The following LRP1B variants were observed in gnomAD, a reference collection of about 807,000 sequenced individuals.
The protein encoded by LRP1B is low-density lipoprotein receptor-related protein 1B.
A neutral mutation model predicts 556.6 loss-of-function variants in LRP1B; 217 were observed. The observed-to-expected ratio is 0.39, with a 90% CI of 0.35 to 0.44. The LOEUF (loss-of-function observed/expected upper bound fraction) is 0.44. Ranked by LOEUF, LRP1B falls within the 20% of genes least tolerant of loss-of-function variation. The probability of loss-of-function intolerance (pLI) is 1.00; values close to 1 mark genes in which losing one functional copy is unlikely to be tolerated. For synonymous variants in LRP1B, 2,047 were observed against 1,865.8 expected (o/e 1.10, Z -2.50); for missense variants, 5,053 against 5,620.8 (o/e 0.90, Z 3.23).
intron 31 of LRP1B, among the ~76,000 whole-genome samples, chr2:140,830,216 A>G (rs1216137700): frequency 1.3e-5 from 2 of 152,096 alleles, no homozygotes; most frequent in Non-Finnish European, 2.9e-5. Context: ...TACTCAAAGT[A>G]TTTATAAAAC....
intron 6 of LRP1B, among the ~76,000 whole-genome samples, chr2:141,206,096 A>G (rs1448080400): frequency 1.3e-5 from 2 of 151,272 alleles, no homozygotes; most frequent in Non-Finnish European, 2.9e-5. Flanking sequence ...CTATGACATA[A>G]CTGTGAATAA....
chr2:141,520,664 G>A (rs1684494568), intron 2 of LRP1B, among the ~76,000 whole-genome samples: 1 of 151,974 alleles, frequency 6.6e-6, no homozygotes, highest in African/African-American at 2.4e-5. Context: ...ATTCACCTCT[G>A]TTTCATGTTT....
At chr2:141,168,171 A>G (rs973597672) in intron 7 of LRP1B, among the ~76,000 whole-genome samples, 3 of 152,088 alleles carry the variant, frequency 2.0e-5, no homozygotes, top group Admixed American at 1.3e-4. Context: ...GTCAAGTGAT[A>G]TGGCATATTT....
At chr2:141,011,846 T>A (rs1056703935) in intron 14 of LRP1B, among the ~76,000 whole-genome samples, 1 of 152,040 alleles carries the variant, frequency 6.6e-6, no homozygotes, top group Admixed American at 6.6e-5. Flanking sequence ...CTATCAGAGT[T>A]ATGTACTTCA....
intron 2 of LRP1B, among the ~76,000 whole-genome samples, chr2:141,661,915 T>C (rs1690235051): frequency 6.6e-6 from 1 of 152,096 alleles, no homozygotes; most frequent in Admixed American, 6.6e-5. Flanking sequence ...GAAAAAATGT[T>C]AAGGGCAGCC....
intron 1 of LRP1B, among the ~76,000 whole-genome samples, chr2:141,885,514 T>G (rs1166281523): frequency 6.6e-6 from 1 of 152,084 alleles, no homozygotes; most frequent in Non-Finnish European, 1.5e-5. Context: ...AAAAACGCTG[T>G]GGAATGAGCA....
At chr2:141,803,363 A>C (rs1050103761) in intron 2 of LRP1B, among the ~76,000 whole-genome samples, 3 of 151,682 alleles carry the variant, frequency 2.0e-5, no homozygotes, top group Non-Finnish European at 4.4e-5. Flanking sequence ...TCACAATTAC[A>C]CTGATCCCCA....
chr2:140,257,436 G>A (rs1036514706), intron 86 of LRP1B, among the ~76,000 whole-genome samples: 1 of 152,136 alleles, frequency 6.6e-6, no homozygotes, highest in Non-Finnish European at 1.5e-5. Context: ...AAAATAACAT[G>A]ATTACATCAG....
chr2:140,850,136 A>C lies in LRP1B; in HGVS notation c.4905T>G (p.Ile1635Met). ...IKTQTIKRAF[I>M]NGTGLETVIS... Reference sequence around the variant, plus strand: ...TAACAGTTTCTAACCCAGTTCCGTTAATAAAAGCTCGTTTAATGGTTTGTG... The same window carrying C: ...TAACAGTTTCTAACCCAGTTCCGTTCATAAAAGCTCGTTTAATGGTTTGTG... The change falls in exon 29 of 91, where the codon ATT (isoleucine) becomes ATG (methionine). Residue 1635 changes from isoleucine (I) to methionine (M), a missense_variant. By Grantham distance (10) the Ile-to-Met change is conservative. Around this residue, in one of 5 missense-constraint regions of LRP1B, gnomAD observed 3,619 missense variants for 3,931.9 expected, o/e 0.92. Transcript: ENST00000389484. 6.2e-7 allele frequency: 1 copy of C among 1,613,242 alleles called. No homozygotes were observed. Among genetic ancestry groups the C allele is most frequent in the Non-Finnish European group, 8.5e-7 (1 of 1,179,386 alleles).
At position 140,250,351 on chromosome 2, in the gene LRP1B, A is replaced by T. The variant is rs536640193; in HGVS notation, c.13248-3189T>A. Among the ~76,000 whole-genome samples the T allele has an allele frequency of 3.5e-4, 53 of 151,946 alleles. 1 individual carries two copies. Among genetic ancestry groups the T allele is most frequent in the Admixed American group, 3.0e-3 (46 of 15,202 alleles). On this transcript the variant is annotated intron_variant, in intron 86 of 90. Coordinates refer to ENST00000389484, the MANE Select transcript of LRP1B (RefSeq NM_018557.3). Reference sequence around the variant, plus strand: ...GTATCATTGGATCAGGAACAGATGGATGGATAGACAGATAGACAGGTAGGT... The same window carrying T: ...GTATCATTGGATCAGGAACAGATGGTTGGATAGACAGATAGACAGGTAGGT...
At chr2:142,124,657 T>C (rs1707575869) in intron 1 of LRP1B, among the ~76,000 whole-genome samples, 1 of 151,914 alleles carries the variant, frequency 6.6e-6, no homozygotes, top group Non-Finnish European at 1.5e-5. Flanking sequence ...GAATTCAGAA[T>C]ACTTATTTAT....
chr2:141,355,265 G>A (rs1002123051), intron 3 of LRP1B, among the ~76,000 whole-genome samples: 1 of 151,402 alleles, frequency 6.6e-6, no homozygotes, highest in Non-Finnish European at 1.5e-5. Flanking sequence ...AAATGTAACA[G>A]TCCTTTTTTA....
intron 3 of LRP1B, among the ~76,000 whole-genome samples, chr2:141,280,420 G>A (rs1262626816): frequency 1.3e-5 from 2 of 151,858 alleles, no homozygotes; most frequent in Admixed American, 6.6e-5. Flanking sequence ...AATAGACTAC[G>A]TTAGAAACTA....
At chr2:142,081,181 G>T (rs1051744363) in intron 1 of LRP1B, among the ~76,000 whole-genome samples, 1 of 152,052 alleles carries the variant, frequency 6.6e-6, no homozygotes, top group Non-Finnish European at 1.5e-5. Flanking sequence ...TATTTTTAGA[G>T]AGGTATTCAA....
chr2:141,771,896 G>C, intron 2 of LRP1B, among the ~76,000 whole-genome samples: 1 of 152,122 alleles, frequency 6.6e-6, no homozygotes, highest in South Asian at 2.1e-4. Context: ...TCGGCTCACT[G>C]TAATCTCTGC....
Position 141,059,074 on chromosome 2 carries a change from T to A in LRP1B, c.1237-20A>T, listed in dbSNP as rs758332138. 1.5e-5 allele frequency: 21 copies of A among 1,394,700 alleles called. No homozygotes were observed. The highest frequency in any genetic ancestry group is 1.8e-5 in the Non-Finnish European group (19 of 1,048,044). 86.4% of individuals were successfully genotyped at this position (1,394,700 alleles called of 1,614,324 possible). ...TCTAACCTATAAAGAGGGCAAAACA[T>A]AACTATGATTTTTAATTATGTAGCT... On this transcript the variant is annotated intron_variant, in intron 8 of 90. Transcript: ENST00000389484.
intron 63 of LRP1B, among the ~76,000 whole-genome samples, chr2:140,445,884 A>G (rs1686637503): frequency 6.6e-6 from 1 of 152,190 alleles, no homozygotes; most frequent in African/African-American, 2.4e-5. Flanking sequence ...CATATTACTG[A>G]TTTTGAGGTT....
At chr2:140,533,118 T>A (rs1489094000) in intron 47 of LRP1B, among the ~76,000 whole-genome samples, 1 of 151,754 alleles carries the variant, frequency 6.6e-6, no homozygotes, top group Non-Finnish European at 1.5e-5. Flanking sequence ...TTTGGAAATA[T>A]CTGTGGGGTC....
intron 1 of LRP1B, among the ~76,000 whole-genome samples, chr2:142,026,431 T>C (rs1268962548): frequency 2.0e-5 from 3 of 152,054 alleles, no homozygotes; most frequent in African/African-American, 7.2e-5. Context: ...ATTCCATGAG[T>C]GAATCTATGT....
Sources: allele counts gnomAD v4.1 joint callset (sites outside exome capture counted in the v4.1 genomes callset), GRCh38; gene constraint gnomAD v4.1.1; regional missense constraint gnomAD v4.1.1; transcripts MANE v1.5; gene names NCBI Gene and HGNC (gene_info 2026-07-23, HGNC 2026-07-21).